The following ZMYM2 variants were observed in gnomAD, a reference collection of about 807,000 sequenced individuals.
ZMYM2 encodes the protein zinc finger MYM-type protein 2.
Under a neutral mutation model 162.8 loss-of-function variants are expected in ZMYM2, and 56 were observed. That is an observed-to-expected ratio of 0.34 (90% CI 0.28 to 0.43). The LOEUF (loss-of-function observed/expected upper bound fraction) is 0.43. Among genes scored for constraint, ZMYM2 ranks in the 20% least tolerant of loss-of-function variants. ZMYM2 has a pLI of 1.00. For synonymous variants in ZMYM2, 510 were observed against 541.6 expected (o/e 0.94, Z 0.81); for missense variants, 1,275 against 1,621.8 (o/e 0.79, Z 3.67).
chr13:19,935,594 G>A, the ZMYM2 span, among the ~76,000 whole-genome samples: 1 of 151,916 alleles, frequency 6.6e-6, no homozygotes, highest in Non-Finnish European at 1.5e-5. Flanking sequence ...TTTTTGGATA[G>A]TAGCCATCCT....
rs570490963 is a variant in ZMYM2 at position 20,006,093 on chromosome 13, C to T, written c.1300-281C>T. Among the ~76,000 whole-genome samples, 7 of 151,802 alleles carry T rather than the reference C, an allele frequency of 4.6e-5. No individual in the cohort carries two copies. The South Asian group carries it at 6.2e-4, about 14-fold the overall frequency. On this transcript the variant is annotated intron_variant, in intron 5 of 24. Coordinates refer to ENST00000610343, the MANE Select transcript of ZMYM2 (RefSeq NM_197968.4). ...CCTAAAAGAAAAAACATTAGTTAGG[C>T]GTGGTTGTGTGTGTCTATAGTCTCA... is the stretch of plus-strand genomic sequence containing the variant.
intron 21 of ZMYM2, among the ~76,000 whole-genome samples, chr13:20,074,935 G>C (rs1252096068): frequency 6.6e-6 from 1 of 152,136 alleles, no homozygotes; most frequent in Non-Finnish European, 1.5e-5. Context: ...GGTTAAGATG[G>C]TAATTTTTTT....
the ZMYM2 span, among the ~76,000 whole-genome samples, chr13:19,901,767 G>A: frequency 6.6e-6 from 1 of 151,960 alleles, no homozygotes; most frequent in Non-Finnish European, 1.5e-5. Flanking sequence ...GAGCTACCGC[G>A]CCTGGCCCAA....
the ZMYM2 span, among the ~76,000 whole-genome samples, chr13:19,947,340 G>A: frequency 6.6e-6 from 1 of 152,160 alleles, no homozygotes; most frequent in African/African-American, 2.4e-5. Flanking sequence ...GATTACAGGC[G>A]TGAGCCACCA....
the ZMYM2 span, among the ~76,000 whole-genome samples, chr13:19,907,788 A>T: frequency 3.5e-5 from 5 of 142,340 alleles, no homozygotes; most frequent in African/African-American, 1.3e-4. Flanking sequence ...AAAAAAAGGT[A>T]AAGTCTATTT....
At chr13:20,006,193 A>C (rs1030862576) in intron 5 of ZMYM2, among the ~76,000 whole-genome samples, 181 bp from the exon 6 acceptor site, 1 of 151,730 alleles carries the variant, frequency 6.6e-6, no homozygotes, top group Non-Finnish European at 1.5e-5. Context: ...TGATGGTGCC[A>C]CTGTACTTTA....
chr13:19,955,066 C>T (rs1954479653), upstream of ZMYM2, among the ~76,000 whole-genome samples: 2 of 151,972 alleles, frequency 1.3e-5, no homozygotes, highest in Admixed American at 1.3e-4. Context: ...CCTGCCTTGG[C>T]CTCCCAAAGT....
chr13:19,920,180 G>A, the ZMYM2 span, among the ~76,000 whole-genome samples: 3 of 152,130 alleles, frequency 2.0e-5, no homozygotes, highest in African/African-American at 7.2e-5. Flanking sequence ...ACCTTTTCAA[G>A]TACTAATCCT....
the ZMYM2 span, among the ~76,000 whole-genome samples, chr13:19,947,695 A>AGGCT: frequency 3.4e-5 from 3 of 87,818 alleles, no homozygotes; most frequent in East Asian, 5.8e-4. Flanking sequence ...GCTAGTCTCG[A>AGGCT]ATTGTCTCGA....
chr13:19,999,284 G>T (rs180986268), intron 3 of ZMYM2, among the ~76,000 whole-genome samples: 1 of 152,144 alleles, frequency 6.6e-6, no homozygotes, highest in Admixed American at 6.5e-5. Context: ...ACATTGAGCC[G>T]AGTAAGTCTT....
At chr13:20,066,184 T>C (rs910890527) in intron 19 of ZMYM2, among the ~76,000 whole-genome samples, 1 of 152,214 alleles carries the variant, frequency 6.6e-6, no homozygotes, top group African/African-American at 2.4e-5. Flanking sequence ...TCATGACACA[T>C]TAAACAAATA....
At chr13:20,010,124 C>T (rs772230966) in intron 6 of ZMYM2, among the ~76,000 whole-genome samples, 3 of 152,090 alleles carry the variant, frequency 2.0e-5, no homozygotes, top group Non-Finnish European at 4.4e-5. Context: ...AGTGCATGTG[C>T]GGTGGTATCT....
intron 4 of ZMYM2, among the ~76,000 whole-genome samples, chr13:20,003,675 C>G (rs1431756716): frequency 1.3e-5 from 2 of 151,360 alleles, no homozygotes; most frequent in Non-Finnish European, 2.9e-5. Flanking sequence ...TTCTGTAGCC[C>G]AGGCTGGAGT....
rs374180590 is a variant in ZMYM2 at position 19,999,400 on chromosome 13, G to A, written c.848-3450G>A. Among the ~76,000 whole-genome samples, 169 of 151,998 alleles carry A rather than the reference G, an allele frequency of 1.1e-3. 1 individual carries two copies. In the Middle Eastern group the frequency reaches 0.017, roughly 15 times the overall value. On this transcript the variant is annotated intron_variant, in intron 3 of 24. Coordinates refer to ENST00000610343, the MANE Select transcript of ZMYM2 (RefSeq NM_197968.4). ...TTTTCATTGTTATTATATCTGTTAC[G>A]GTGATCTGTGATCAGTGATCTTTGA...
At chr13:19,912,283 G>GT in the ZMYM2 span, among the ~76,000 whole-genome samples, 1 of 64,122 alleles carries the variant, frequency 1.6e-5, no homozygotes, top group South Asian at 5.6e-4. Flanking sequence ...ACAGGGATCT[G>GT]TTTTTTGGGT....
At chr13:20,005,305 A>G in intron 5 of ZMYM2, 66 bp downstream of exon 5, 1 of 1,191,796 alleles carries the variant, frequency 8.4e-7, no homozygotes, top group Non-Finnish European at 1.2e-6. Context: ...TCATTTAAGA[A>G]CTATTAGATA....
At chr13:20,071,994 T>G (rs1957121407) in intron 21 of ZMYM2, 1 of 185,372 alleles carries the variant, frequency 5.4e-6, no homozygotes, top group African/African-American at 2.3e-5. Flanking sequence ...GGGATTGTCC[T>G]CTTTGGAAAG....
intron 2 of ZMYM2, among the ~76,000 whole-genome samples, chr13:19,970,413 T>A (rs960363096): frequency 1.3e-5 from 2 of 151,954 alleles, no homozygotes; most frequent in African/African-American, 2.4e-5. Flanking sequence ...GTAAAAAAAA[T>A]TAGGACCAAA....
chr13:20,061,027 T>A, intron 16 of ZMYM2, 26 bp from the exon 17 acceptor site: 1 of 1,589,316 alleles, frequency 6.3e-7, no homozygotes, highest in East Asian at 2.3e-5. Context: ...TTAGTAAACC[T>A]AACTCAAAAT....
Sources: gnomAD v4.1 joint callset for allele counts (sites outside exome capture counted in the v4.1 genomes callset) on GRCh38, gnomAD v4.1.1 for gene constraint, MANE v1.5 for transcripts, NCBI Gene and HGNC (gene_info 2026-07-23, HGNC 2026-07-21) for gene names.